The following TMEM50A variants were observed in gnomAD, a reference collection of about 807,000 sequenced individuals.
TMEM50A encodes cervical cancer oncogene 9.
In TMEM50A, 8 loss-of-function variants were observed where a neutral mutation model predicts 23.9. The observed-to-expected ratio is 0.33, with a 90% CI of 0.20 to 0.60. TMEM50A has a LOEUF of 0.60. Among genes scored for constraint, TMEM50A ranks in the 20% least tolerant of loss-of-function variants. The probability of loss-of-function intolerance (pLI) is 0.81; values close to 1 mark genes in which losing one functional copy is unlikely to be tolerated. For missense variants in TMEM50A, 178 were observed against 192.7 expected (o/e 0.92, Z 0.45); for synonymous variants, 55 against 60.4 (o/e 0.91, Z 0.41).
intron 3 of TMEM50A, among the ~76,000 whole-genome samples, chr1:25,347,528 A>G (rs1645231392): frequency 1.3e-5 from 2 of 152,170 alleles, no homozygotes; most frequent in Admixed American, 6.6e-5. Flanking sequence ...GTGAGCCACC[A>G]TGCCCGGCCT....
At chr1:25,339,988 G>A (rs918579436) in intron 1 of TMEM50A, among the ~76,000 whole-genome samples, 8 of 152,146 alleles carry the variant, frequency 5.3e-5, no homozygotes, top group African/African-American at 1.7e-4. Flanking sequence ...CCAGGCTGGA[G>A]TGCAGTGGCA....
chr1:25,357,683 G>T (rs1004805261), intron 6 of TMEM50A, among the ~76,000 whole-genome samples: 6 of 150,666 alleles, frequency 4.0e-5, no homozygotes, highest in Non-Finnish European at 7.4e-5. Context: ...TCTCACCCAG[G>T]CTGGAGTGCA....
chr1:25,359,016 A>C (rs1178045290), intron 6 of TMEM50A, among the ~76,000 whole-genome samples: 1 of 152,130 alleles, frequency 6.6e-6, no homozygotes, highest in Non-Finnish European at 1.5e-5. Flanking sequence ...TGGCCTCCCA[A>C]AGTGCTGGGA....
At chr1:25,349,842 A>G (rs1178883610) in intron 3 of TMEM50A, among the ~76,000 whole-genome samples, 1 of 152,236 alleles carries the variant, frequency 6.6e-6, no homozygotes, top group Non-Finnish European at 1.5e-5. Context: ...AAGACAGACA[A>G]TGGCTCCTGT....
At chr1:25,351,511 TAAA>T (rs66744254) in intron 3 of TMEM50A, 112 bp from the exon 4 acceptor site, 3,297 of 572,832 alleles carry the variant, frequency 5.8e-3, no homozygotes, top group East Asian at 8.2e-3. Context: ...CCTGTATCTT[TAAA>T]AAAAAAAAAA....
intron 3 of TMEM50A, among the ~76,000 whole-genome samples, chr1:25,343,450 A>G (rs1000082818): frequency 3.9e-5 from 6 of 152,228 alleles, no homozygotes; most frequent in African/African-American, 1.4e-4. Flanking sequence ...AACAGGAAAA[A>G]TCCATGTCTT....
In TMEM50A at chr1:25,361,321, C is replaced by T. The variant is rs758741122; in HGVS notation, c.*616C>T. ...GTGTCCCTTCCATGGGAAGGTCTTC[C>T]GCTGTGCCTCTCATTCCAAGGGCAG... is the stretch of plus-strand genomic sequence containing the variant. On this transcript the variant is annotated 3_prime_UTR_variant, in exon 7 of 7. Coordinates refer to ENST00000374358, the MANE Select transcript of TMEM50A (RefSeq NM_014313.4). 6.6e-6 allele frequency: 1 copy of T among 152,440 alleles called. No individual in the cohort carries two copies. Among genetic ancestry groups the T allele is most frequent in the African/African-American group, 2.4e-5 (1 of 41,408 alleles). 9.4% of individuals were successfully genotyped at this position (152,440 alleles called of 1,614,324 possible).
chr1:25,356,781 T>C lies in TMEM50A; in HGVS notation c.368-12T>C, dbSNP rs766486072. ...GATCATAACCCTCTAAACACTGCAATTATTTTTACAGAAAAAGACATAGTA... is the reference window on the plus strand; with the variant it reads ...GATCATAACCCTCTAAACACTGCAACTATTTTTACAGAAAAAGACATAGTA... On this transcript the variant is annotated splice_polypyrimidine_tract_variant and intron_variant, in intron 5 of 6. Transcript: ENST00000374358. The C allele has an allele frequency of 6.4e-7, 1 of 1,571,960 alleles. No homozygotes were observed. Among genetic ancestry groups the C allele is most frequent in the Non-Finnish European group, 8.6e-7 (1 of 1,163,714 alleles).
intron 3 of TMEM50A, among the ~76,000 whole-genome samples, chr1:25,346,929 G>C (rs1268700936): frequency 2.0e-5 from 3 of 152,004 alleles, no homozygotes; most frequent in Admixed American, 2.0e-4. Context: ...CTGAGGTGGG[G>C]AATCACTTGA....
In TMEM50A at chr1:25,360,743, G is replaced by C; in HGVS notation, c.*38G>C. 6.2e-7 allele frequency: 1 copy of C among 1,611,006 alleles called. No homozygotes were observed. The highest frequency in any genetic ancestry group is 8.5e-7 in the Non-Finnish European group (1 of 1,178,302). ...TCCCACAGCACAACAGCCCTGCATGGGTTTGTTTGTTTTTTTACTGCTCAC... is the reference window on the plus strand; with the variant it reads ...TCCCACAGCACAACAGCCCTGCATGCGTTTGTTTGTTTTTTTACTGCTCAC... On this transcript the variant is annotated 3_prime_UTR_variant, in exon 7 of 7. Transcript: ENST00000374358.
intron 5 of TMEM50A, among the ~76,000 whole-genome samples, chr1:25,354,515 C>T (rs1333430538): frequency 1.3e-5 from 2 of 151,784 alleles, no homozygotes; most frequent in Non-Finnish European, 2.9e-5. Context: ...GGGAGACTGA[C>T]GTGAGAGGAT....
intron 3 of TMEM50A, among the ~76,000 whole-genome samples, chr1:25,350,449 G>A (rs748554026): frequency 1.3e-5 from 2 of 152,112 alleles, no homozygotes; most frequent in Non-Finnish European, 2.9e-5. Flanking sequence ...GAATCGCAGT[G>A]GCACGATCTG....
At chr1:25,340,022 C>G (rs762181979) in intron 1 of TMEM50A, among the ~76,000 whole-genome samples, 2 of 152,114 alleles carry the variant, frequency 1.3e-5, no homozygotes, top group African/African-American at 4.8e-5. Flanking sequence ...CTGCAACTTT[C>G]GACTCCCAGG....
chr1:25,352,680 A>T (rs973893794), intron 4 of TMEM50A, among the ~76,000 whole-genome samples: 3 of 152,142 alleles, frequency 2.0e-5, no homozygotes, highest in Non-Finnish European at 4.4e-5. Flanking sequence ...AATAATTTTT[A>T]AAAATCTATA....
chr1:25,349,583 ACAT>A (rs1325347441), intron 3 of TMEM50A, among the ~76,000 whole-genome samples: 1 of 152,228 alleles, frequency 6.6e-6, no homozygotes, highest in African/African-American at 2.4e-5. Flanking sequence ...ATAAATTAAG[ACAT>A]CATATTACTG....
At chr1:25,346,256 T>C (rs560392449) in intron 3 of TMEM50A, among the ~76,000 whole-genome samples, 1 of 152,136 alleles carries the variant, frequency 6.6e-6, no homozygotes, top group Admixed American at 6.5e-5. Flanking sequence ...TTCTTTTTTT[T>C]CTTTTCTTTT....
chr1:25,352,914 T>G lies in TMEM50A; in HGVS notation c.307T>G (p.Leu103Val). Residue 103 changes from leucine to valine, a missense_variant, in exon 5 of 7, where the codon TTG becomes GTG. By Grantham distance (32) the Leu-to-Val change is conservative (BLOSUM62 1). Transcript: ENST00000374358. ...CATTTGGCTTTTCGTTGGTTTCATG[T>G]TGGCCTTTGGATCTCTGATTGCATC... ...ARIWLFVGFM[L>V]AFGSLIASMW... 1 of 1,613,960 alleles carries G rather than the reference T, an allele frequency of 6.2e-7. No individual in the cohort carries two copies.
At chr1:25,353,026 C>T (rs868142433) in intron 5 of TMEM50A, 52 bp downstream of exon 5, 2 of 1,511,438 alleles carry the variant, frequency 1.3e-6, no homozygotes, top group Middle Eastern at 3.5e-4. Flanking sequence ...TGGAATTTTG[C>T]ATTAAAGTTG....
intron 3 of TMEM50A, among the ~76,000 whole-genome samples, chr1:25,344,561 A>G (rs1553151482): frequency 1.3e-5 from 2 of 151,238 alleles, no homozygotes; most frequent in South Asian, 4.2e-4. Flanking sequence ...TTCTTCTTTA[A>G]TTAAGACGAG....
Sources: gnomAD v4.1 joint callset for allele counts (sites outside exome capture counted in the v4.1 genomes callset) on GRCh38, gnomAD v4.1.1 for gene constraint, MANE v1.5 for transcripts, NCBI Gene and HGNC (gene_info 2026-07-23, HGNC 2026-07-21) for gene names.